Variants in SLC26A7 observed in about 807,000 individuals in gnomAD.
The protein encoded by SLC26A7 is solute carrier family 26 member 7.
Under a neutral mutation model 82.5 loss-of-function variants are expected in SLC26A7, and 59 were observed. That is an observed-to-expected ratio of 0.72 (90% CI 0.58 to 0.89). The LOEUF (loss-of-function observed/expected upper bound fraction) is 0.89, where lower values mean the gene tolerates loss of function less well. SLC26A7 is among the 40% of genes least tolerant of loss of function. SLC26A7 has a pLI of 0.00. For synonymous variants in SLC26A7, 271 were observed against 274.3 expected (o/e 0.99, Z 0.12); for missense variants, 820 against 793.0 (o/e 1.03, Z -0.41).
chr8:91,289,554 AG>A (rs758026962), intron 3 of SLC26A7, among the ~76,000 whole-genome samples: 2 of 152,106 alleles, frequency 1.3e-5, no homozygotes, highest in Non-Finnish European at 2.9e-5. Context: ...CTGAGGCAGG[AG>A]AATCGCTTGA....
At chr8:91,257,383 C>T (rs1435309855) in intron 2 of SLC26A7, among the ~76,000 whole-genome samples, 2 of 152,116 alleles carry the variant, frequency 1.3e-5, no homozygotes, top group Non-Finnish European at 2.9e-5. Context: ...CTTGTCTCAG[C>T]TCTGTTTCCT....
At chr8:91,236,249 G>C (rs78233514) in intron 2 of SLC26A7, among the ~76,000 whole-genome samples, 2 of 152,138 alleles carry the variant, frequency 1.3e-5, no homozygotes, top group Non-Finnish European at 2.9e-5. Flanking sequence ...ATTTGAGGCT[G>C]GTAATTGAGA....
At chr8:91,231,528 T>G (rs906935350) in intron 2 of SLC26A7, among the ~76,000 whole-genome samples, 23 of 152,210 alleles carry the variant, frequency 1.5e-4, no homozygotes, top group Admixed American at 1.2e-3. Flanking sequence ...GTGTCAGCGA[T>G]GAAATACTTT....
At chr8:91,329,475 GC>G (rs1339305975) in intron 5 of SLC26A7, among the ~76,000 whole-genome samples, 2 of 152,064 alleles carry the variant, frequency 1.3e-5, no homozygotes, top group Non-Finnish European at 2.9e-5. Context: ...TGCTTAATGA[GC>G]TATAGTTTAA....
chr8:91,276,279 ATAAT>A (rs1211906671), intron 2 of SLC26A7, among the ~76,000 whole-genome samples: 1 of 152,252 alleles, frequency 6.6e-6, no homozygotes, highest in African/African-American at 2.4e-5. Flanking sequence ...TCTTGAAAAA[ATAAT>A]TCATAGAATT....
rs191485320 is a variant in SLC26A7, at chr8:91,237,332, G to A, written c.-33-12287G>A. ...TAGCTACGCTATAATTTTTTCTTGT[G>A]TATCTGAAATTCAAATTCAACTAGA... On this transcript the variant is annotated intron_variant, in intron 2 of 5. Transcript: ENST00000522862. Among the ~76,000 whole-genome samples, 55 of 152,188 alleles carry A rather than the reference G, an allele frequency of 3.6e-4. 1 individual carries two copies. The highest frequency in any genetic ancestry group is 1.3e-3 in the African/African-American group (53 of 41,514).
At chr8:91,232,098 G>T (rs1351974538) in intron 2 of SLC26A7, among the ~76,000 whole-genome samples, 1 of 152,082 alleles carries the variant, frequency 6.6e-6, no homozygotes, top group Non-Finnish European at 1.5e-5. Context: ...AAAACAAAAT[G>T]AATCTGAAAT....
chr8:91,278,236 A>G (rs1811458947), intron 2 of SLC26A7, among the ~76,000 whole-genome samples: 3 of 152,034 alleles, frequency 2.0e-5, no homozygotes, highest in Non-Finnish European at 2.9e-5. Context: ...TCCAGAAAAA[A>G]AAAAGGACCT....
rs749796249 is a variant in SLC26A7 at position 91,351,853 on chromosome 8, A to G, written c.1184A>G (p.Tyr395Cys). The G allele has an allele frequency of 1.2e-5, 20 of 1,612,658 alleles. No individual in the cohort carries two copies. Among genetic ancestry groups the G allele is most frequent in the Non-Finnish European group, 1.5e-5 (18 of 1,178,930 alleles). ...TGCATTTTCGTCCTTATAGTCATCT[A>G]TGCAATAGGACCTTTGCTTTACTGG... ...ISCIFVLIVI[Y>C]AIGPLLYWLP... Residue 395 changes from tyrosine to cysteine, a missense_variant, in exon 10 of 19, where the codon TAT (tyrosine) becomes TGT (cysteine). By Grantham distance (194) the Tyr-to-Cys change is radical. Coordinates refer to ENST00000276609, the MANE Select transcript of SLC26A7 (RefSeq NM_052832.4).
chr8:91,243,052 A>C (rs1810495393), intron 2 of SLC26A7, among the ~76,000 whole-genome samples: 1 of 152,180 alleles, frequency 6.6e-6, no homozygotes, highest in South Asian at 2.1e-4. Context: ...GGATTTGCAA[A>C]AAGTTAAAAT....
intron 16 of SLC26A7, among the ~76,000 whole-genome samples, chr8:91,392,350 A>C (rs1368262020): frequency 6.6e-6 from 1 of 152,150 alleles, no homozygotes; most frequent in African/African-American, 2.4e-5. Context: ...TCTGGACTTA[A>C]GTGTTTACTT....
At chr8:91,278,543 T>A (rs1164027490) in intron 2 of SLC26A7, among the ~76,000 whole-genome samples, 1 of 152,198 alleles carries the variant, frequency 6.6e-6, no homozygotes, top group Non-Finnish European at 1.5e-5. Context: ...GCAAAGATGT[T>A]ATTTTTTTCT....
chr8:91,262,351 C>T (rs1014444601), intron 2 of SLC26A7, among the ~76,000 whole-genome samples: 1 of 151,964 alleles, frequency 6.6e-6, no homozygotes, highest in Non-Finnish European at 1.5e-5. Context: ...AGGATTAGAA[C>T]CTGGGGCCAA....
intron 2 of SLC26A7, among the ~76,000 whole-genome samples, chr8:91,227,781 G>A (rs942763153): frequency 3.3e-5 from 5 of 151,940 alleles, no homozygotes; most frequent in Non-Finnish European, 7.4e-5. Context: ...AATGAAGCTG[G>A]ACTTAATTTT....
At chr8:91,267,550 G>A (rs1272357956) in intron 2 of SLC26A7, among the ~76,000 whole-genome samples, 1 of 151,732 alleles carries the variant, frequency 6.6e-6, no homozygotes, top group Non-Finnish European at 1.5e-5. Flanking sequence ...TTGGTCAATA[G>A]TTGTTCACAA....
At chr8:91,369,748 A>G (rs374802503) in intron 14 of SLC26A7, 37 bp from the exon 15 acceptor site, 83 of 1,453,466 alleles carry the variant, frequency 5.7e-5, no homozygotes, top group Non-Finnish European at 7.4e-5. Flanking sequence ...GTAAAATTTT[A>G]TAACATTTTT....
At chr8:91,311,192 T>C (rs1312612728) in intron 4 of SLC26A7, among the ~76,000 whole-genome samples, 1 of 152,188 alleles carries the variant, frequency 6.6e-6, no homozygotes, top group African/African-American at 2.4e-5. Flanking sequence ...ATTTTCAAAA[T>C]TATTTATGTT....
chr8:91,375,215 G>A (rs1476552252), intron 15 of SLC26A7, among the ~76,000 whole-genome samples: 1 of 151,980 alleles, frequency 6.6e-6, no homozygotes, highest in Non-Finnish European at 1.5e-5. Flanking sequence ...TCTTTTAAGT[G>A]GAGCATTTAT....
intron 3 of SLC26A7, among the ~76,000 whole-genome samples, chr8:91,291,893 T>TTAATAAATAATAA (rs1811879944): frequency 6.6e-6 from 1 of 152,242 alleles, no homozygotes; most frequent in African/African-American, 2.4e-5. Context: ...TCGAATGAGC[T>TTAATAAATAATAA]ACCACACAAT....
Sources: allele counts gnomAD v4.1 joint callset (sites outside exome capture counted in the v4.1 genomes callset), GRCh38; gene constraint gnomAD v4.1.1; transcripts MANE v1.5; gene names NCBI Gene and HGNC (gene_info 2026-07-23, HGNC 2026-07-21).